VCAM1: variants seen among roughly 807,000 people sequenced by gnomAD.
VCAM1 encodes vascular cell adhesion molecule 1.
In VCAM1, 41 loss-of-function variants were observed where a neutral mutation model predicts 63.8. That is an observed-to-expected ratio of 0.64 (90% CI 0.50 to 0.83). VCAM1 has a LOEUF of 0.83. Among genes scored for constraint, VCAM1 ranks in the 40% least tolerant of loss-of-function variants. VCAM1 has a pLI of 0.00. For synonymous variants in VCAM1, 338 were observed against 320.7 expected (o/e 1.05, Z -0.58); for missense variants, 798 against 875.5 (o/e 0.91, Z 1.12).
chr1:100,735,324 G>T (rs1660611763), intron 8 of VCAM1: 1 of 153,374 alleles, frequency 6.5e-6, no homozygotes, highest in Admixed American at 6.5e-5. Context: ...GGTGGACAGA[G>T]AAAGAGAGGA....
chr1:100,721,741 T>C (rs1286326024), intron 2 of VCAM1, among the ~76,000 whole-genome samples: 1 of 152,030 alleles, frequency 6.6e-6, no homozygotes, highest in Non-Finnish European at 1.5e-5. Flanking sequence ...ATGTGCATAG[T>C]TTATGTCTGT....
At chr1:100,733,349 G>C (rs1335357821) in intron 7 of VCAM1, among the ~76,000 whole-genome samples, 1 of 152,098 alleles carries the variant, frequency 6.6e-6, no homozygotes, top group African/African-American at 2.4e-5. Flanking sequence ...TCCCTTTTGG[G>C]TATCAGGGTT....
intron 2 of VCAM1, among the ~76,000 whole-genome samples, chr1:100,721,041 TTTTTG>T (rs1287500262): frequency 6.6e-6 from 1 of 152,070 alleles, no homozygotes; most frequent in Admixed American, 6.6e-5. Context: ...TCTAAGTTTC[TTTTTG>T]TTTTATTAAA....
rs1484664300 is a variant in VCAM1, at chr1:100,731,703, C to T, written c.1525+185C>T. 6.6e-6 allele frequency among the ~76,000 whole-genome samples: 1 copy of T among 152,142 alleles called. No homozygotes were observed. The highest frequency in any genetic ancestry group is 1.5e-5 in the Non-Finnish European group (1 of 68,012). ...CTAAACTTAAAATAGTAACTATTTACTGGCTTATGATGCTTTGAGTAGGCA... is the reference window on the plus strand; with the variant it reads ...CTAAACTTAAAATAGTAACTATTTATTGGCTTATGATGCTTTGAGTAGGCA... On this transcript the variant is annotated intron_variant, in intron 6 of 8. Transcript: ENST00000294728. The surrounding 1 kb of genome is among the most constrained non-coding windows in gnomAD (Gnocchi z 4.2).
rs1198280170 is a variant in VCAM1, at chr1:100,738,102, A to T, written c.2060-21A>T. ...TCTTTTTGTACTAGACATTAATTGC[A>T]TCCATTTTGTTATTTTCCAGGAAGA... is the stretch of plus-strand genomic sequence containing the variant. On this transcript the variant is annotated intron_variant, in intron 8 of 8. Coordinates refer to ENST00000294728, the MANE Select transcript of VCAM1 (RefSeq NM_001078.4). The T allele has an allele frequency of 3.1e-6, 5 of 1,610,032 alleles. No individual in the cohort carries two copies. In the African/African-American group the frequency reaches 4.0e-5, roughly 13 times the overall value.
intron 4 of VCAM1, among the ~76,000 whole-genome samples, chr1:100,727,606 C>CT (rs1660219404): frequency 6.6e-6 from 1 of 152,008 alleles, no homozygotes; most frequent in Admixed American, 6.6e-5. Context: ...ACTGAAAGTA[C>CT]TTTCAGAGAA....
Position 100,738,596 on chromosome 1 carries a change from T to C in VCAM1, c.*313T>C. 5.9e-6 allele frequency: 1 copy of C among 170,032 alleles called. No individual in the cohort carries two copies. Among genetic ancestry groups the C allele is most frequent in the Non-Finnish European group, 1.3e-5 (1 of 79,454 alleles). The allele number at this position is 170,032 out of a possible 1,614,324, so 10.5% of individuals were successfully genotyped here. ...AAGATTGCTTAAAATAGCAACACTC[T>C]ATATTTAGATTGTTAAAATAACTAG... is the stretch of plus-strand genomic sequence containing the variant. On this transcript the variant is annotated 3_prime_UTR_variant, in exon 9 of 9. Coordinates refer to ENST00000294728, the MANE Select transcript of VCAM1 (RefSeq NM_001078.4).
In VCAM1 at chr1:100,731,374, C is replaced by T. The variant is rs1247077200; in HGVS notation, c.1381C>T (p.Leu461=). 6 of 1,613,666 alleles carry T rather than the reference C, an allele frequency of 3.7e-6. No individual in the cohort carries two copies. The highest frequency in any genetic ancestry group is 5.1e-6 in the Non-Finnish European group (6 of 1,179,852). ...TTTGGAGGATACGGATATGAAATCTCTAGAGAACAAAAGTTTGGAAATGAC... is the reference window on the plus strand; with the variant it reads ...TTTGGAGGATACGGATATGAAATCTTTAGAGAACAAAAGTTTGGAAATGAC... ...EFLEDTDMKS[L]ENKSLEMTFI... Residue 461 remains leucine (L), a synonymous_variant, in exon 6 of 9, where the codon CTA becomes TTA. Transcript: ENST00000294728. This position sits in a 1 kb window ranked among gnomAD's most constrained non-coding sequence, Gnocchi z 4.2.
chr1:100,728,933 C>T (rs915123964), intron 4 of VCAM1, among the ~76,000 whole-genome samples, 174 bp from the exon 5 acceptor site: 1 of 151,928 alleles, frequency 6.6e-6, no homozygotes, highest in Non-Finnish European at 1.5e-5. Flanking sequence ...TGGTTTCATT[C>T]TTAAAAGATG....
At chr1:100,737,920 C>T (rs767884587) in intron 8 of VCAM1, 13 of 476,180 alleles carry the variant, frequency 2.7e-5, no homozygotes, top group Non-Finnish European at 4.4e-5. Flanking sequence ...TCTTTAGATC[C>T]ATCATGACCA....
At chr1:100,722,846 C>A (rs1660001605) in intron 2 of VCAM1, among the ~76,000 whole-genome samples, 174 bp from the exon 3 acceptor site, 2 of 152,002 alleles carry the variant, frequency 1.3e-5, no homozygotes, top group African/African-American at 4.8e-5. Context: ...TGTTTGCTTC[C>A]AATTCTTGTG....
At chr1:100,727,778 G>C (rs1660226416) in intron 4 of VCAM1, among the ~76,000 whole-genome samples, 1 of 151,978 alleles carries the variant, frequency 6.6e-6, no homozygotes, top group Non-Finnish European at 1.5e-5. Flanking sequence ...AAATTCAGAA[G>C]CTCTGGTTGT....
At chr1:100,727,659 G>A (rs1490268220) in intron 4 of VCAM1, among the ~76,000 whole-genome samples, 4 of 152,058 alleles carry the variant, frequency 2.6e-5, no homozygotes, top group Admixed American at 2.6e-4. Context: ...ATGGTTCCAA[G>A]TTCACATGGC....
At chr1:100,733,437 TATCTC>T (rs1378276330) in intron 7 of VCAM1, among the ~76,000 whole-genome samples, 1 of 152,184 alleles carries the variant, frequency 6.6e-6, no homozygotes, top group Non-Finnish European at 1.5e-5. Flanking sequence ...ACTTTCTTGT[TATCTC>T]AACTCAATAA....
chr1:100,729,144 G>A lies in VCAM1; in HGVS notation c.966G>A (p.Arg322=). The part of the protein sequence containing the change: ...PFTVEISPGP[R]IAAQIGDSVM... ...CTGTTGAGATCTCCCCTGGACCCCG[G>A]ATTGCTGCTCAGATTGGAGACTCAG... The change falls in exon 5 of 9, where the codon CGG becomes CGA. Residue 322 remains arginine (R), a synonymous_variant. Transcript: ENST00000294728. 1 of 1,607,968 alleles carries A rather than the reference G, an allele frequency of 6.2e-7. No individual in the cohort carries two copies. Among genetic ancestry groups the A allele is most frequent in the Non-Finnish European group, 8.5e-7 (1 of 1,175,960 alleles).
intron 6 of VCAM1, among the ~76,000 whole-genome samples, chr1:100,732,008 C>G (rs1660479978): frequency 6.6e-6 from 1 of 152,156 alleles, no homozygotes; most frequent in African/African-American, 2.4e-5. Flanking sequence ...AGTGTTACTT[C>G]TTCTTCCACA....
chr1:100,734,948 A>G (rs1218962195), intron 8 of VCAM1, among the ~76,000 whole-genome samples, 180 bp downstream of exon 8: 1 of 152,220 alleles, frequency 6.6e-6, no homozygotes, highest in Admixed American at 6.5e-5. Flanking sequence ...GGAAGTTGAC[A>G]TTAATCATTC....
chr1:100,722,932 A>G, intron 2 of VCAM1, 88 bp from the exon 3 acceptor site: 2 of 1,395,988 alleles, frequency 1.4e-6, no homozygotes, highest in South Asian at 3.0e-5. Flanking sequence ...CAAAAACGCT[A>G]GACTTGATTT....
rs1660036394 is a variant in VCAM1 at position 100,723,337 on chromosome 1, T to C, written c.658T>C (p.Tyr220His). 6.2e-7 allele frequency: 1 copy of C among 1,611,658 alleles called. No individual in the cohort carries two copies. The highest frequency in any genetic ancestry group is 8.5e-7 in the Non-Finnish European group (1 of 1,178,440). ...GCAGGCTGTAAAAGAATTGCAAGTC[T>C]ACAGTAAGTACTTGTGCGATGTGTT... Reference protein sequence around the residue: ...VRQAVKELQVYISPKNTVISV... With the variant: ...VRQAVKELQVHISPKNTVISV... Residue 220 changes from tyrosine to histidine, a missense_variant, in exon 3 of 9, where the codon TAC becomes CAC. Transcript: ENST00000294728.
Sources: gnomAD v4.1 joint callset for allele counts (sites outside exome capture counted in the v4.1 genomes callset) on GRCh38, gnomAD v4.1.1 for gene constraint, Gnocchi (gnomAD v3.1) non-coding constraint, MANE v1.5 for transcripts, NCBI Gene and HGNC (gene_info 2026-07-23, HGNC 2026-07-21) for gene names.